MPRIP: variants seen among roughly 807,000 people sequenced by gnomAD.
MPRIP encodes the protein myosin phosphatase Rho-interacting protein.
In MPRIP, 59 loss-of-function variants were observed where a neutral mutation model predicts 234.9. The ratio of observed to expected loss-of-function variants is 0.25; its 90% CI spans 0.20 to 0.31. The LOEUF (loss-of-function observed/expected upper bound fraction) is 0.31. MPRIP is among the 10% of genes least tolerant of loss of function. The pLI, the probability that MPRIP is intolerant of heterozygous loss-of-function variation, is 1.00. For missense variants in MPRIP, 2,436 were observed against 3,071.0 expected, an observed-to-expected ratio of 0.79 and a Z score of 4.89; for synonymous variants, 1,144 against 1,263.9, an observed-to-expected ratio of 0.91 and a Z score of 2.01.
At chr17:17,174,795 T>C (rs2046219377) in intron 19 of MPRIP, among the ~76,000 whole-genome samples, 1 of 135,704 alleles carries the variant, frequency 7.4e-6, no homozygotes, top group Non-Finnish European at 1.5e-5. Context: ...CGAGACTCCG[T>C]CTAAAAAAAA....
intron 1 of MPRIP, among the ~76,000 whole-genome samples, chr17:17,058,679 C>T (rs113222465): frequency 3.3e-5 from 5 of 152,234 alleles, no homozygotes; most frequent in African/African-American, 9.7e-5. Context: ...GAAAGGTTTT[C>T]CTGTCTGCCT....
At chr17:17,119,009 G>T (rs1012937465) in intron 3 of MPRIP, among the ~76,000 whole-genome samples, 1 of 152,168 alleles carries the variant, frequency 6.6e-6, no homozygotes, top group African/African-American at 2.4e-5. Context: ...AGCAAGAAGA[G>T]CCGGGAGACC....
chr17:17,103,861 A>T (rs192645211), intron 3 of MPRIP, among the ~76,000 whole-genome samples: 11 of 152,312 alleles, frequency 7.2e-5, no homozygotes, highest in African/African-American at 2.6e-4. Context: ...TTTTAAGCCG[A>T]AGAACCAAAC....
intron 7 of MPRIP, among the ~76,000 whole-genome samples, chr17:17,139,309 A>T (rs2090766288): frequency 6.6e-6 from 1 of 152,228 alleles, no homozygotes; most frequent in South Asian, 2.1e-4. Flanking sequence ...CCTTGACAGC[A>T]GGGTTCCTCA....
intron 10 of MPRIP, 37 bp downstream of exon 10, chr17:17,146,129 T>C: frequency 1.3e-6 from 2 of 1,594,834 alleles, no homozygotes; most frequent in African/African-American, 1.3e-5. Flanking sequence ...CTGAGGGATC[T>C]GGGGACAGGG....
At chr17:17,127,931 G>A (rs908576471) in intron 4 of MPRIP, among the ~76,000 whole-genome samples, 1 of 152,216 alleles carries the variant, frequency 6.6e-6, no homozygotes, top group Non-Finnish European at 1.5e-5. Context: ...CTCTGCGGGG[G>A]TGTGCTCTCC....
intron 4 of MPRIP, among the ~76,000 whole-genome samples, chr17:17,128,642 TC>T (rs1299384082): frequency 2.0e-5 from 3 of 152,148 alleles, no homozygotes; most frequent in Admixed American, 6.5e-5. Context: ...CTGACGCTCT[TC>T]CCCTTCCCCT....
chr17:17,184,783 C>T (rs370706492), intron 23 of MPRIP, 40 bp from the exon 24 acceptor site: 294 of 1,510,704 alleles, frequency 1.9e-4, no homozygotes, highest in Non-Finnish European at 2.5e-4. Flanking sequence ...GGGGGTCTAA[C>T]GGTGTGTTTA....
At chr17:17,083,577 C>G (rs1303104438) in intron 3 of MPRIP, among the ~76,000 whole-genome samples, 2 of 152,198 alleles carry the variant, frequency 1.3e-5, no homozygotes, top group Admixed American at 6.5e-5. Flanking sequence ...TCTTTAGGAT[C>G]TATCATTTGA....
At chr17:17,125,368 A>G (rs1022200675) in intron 3 of MPRIP, among the ~76,000 whole-genome samples, 5 of 152,236 alleles carry the variant, frequency 3.3e-5, no homozygotes, top group African/African-American at 1.2e-4. Context: ...GGGATGGCTG[A>G]GTCCAGAGAC....
At position 17,042,703 on chromosome 17, in the gene MPRIP, C is replaced by A; in HGVS notation, c.-146C>A. ...AGGAGCCTCGGCGCGTGCAGCGAAC[C>A]GCCCGCCGGGAAGGAGGCCGGGCCG... is the stretch of plus-strand genomic sequence containing the variant. On this transcript the variant is annotated 5_prime_UTR_variant, in exon 1 of 24. Transcript: ENST00000651222. 1 of 897,654 alleles carries A rather than the reference C, an allele frequency of 1.1e-6. No homozygotes were observed. Among genetic ancestry groups the A allele is most frequent in the South Asian group, 5.0e-5 (1 of 19,806 alleles). The allele number at this position is 897,654 out of a possible 1,614,324, so 55.6% of individuals were successfully genotyped here.
intron 9 of MPRIP, among the ~76,000 whole-genome samples, chr17:17,143,884 C>T (rs2045397825): frequency 6.6e-6 from 1 of 152,190 alleles, no homozygotes; most frequent in South Asian, 2.1e-4. Context: ...GGCTCCATGG[C>T]ATCCTGAGCT....
chr17:17,068,412 A>C (rs1420197711), intron 1 of MPRIP, among the ~76,000 whole-genome samples: 1 of 151,664 alleles, frequency 6.6e-6, no homozygotes, highest in Non-Finnish European at 1.5e-5. Context: ...GGCCTCCCAA[A>C]GTGCTGGAAT....
chr17:17,177,523 T>C, intron 22 of MPRIP, 111 bp downstream of exon 22: 2 of 1,198,834 alleles, frequency 1.7e-6, no homozygotes, highest in East Asian at 2.5e-5. Flanking sequence ...GTGATGCTTG[T>C]AGACCCAGGC....
rs567881276 is a variant in MPRIP at position 17,066,569 on chromosome 17, C to G, written c.124-9141C>G. 2.0e-5 allele frequency among the ~76,000 whole-genome samples: 3 copies of G among 151,906 alleles called. No homozygotes were observed. In the South Asian group the frequency reaches 6.2e-4, roughly 32 times the overall value. On this transcript the variant is annotated intron_variant, in intron 1 of 23. Transcript: ENST00000651222. The stretch of plus-strand genomic sequence containing the variant: ...TGTTGATTTTTGCATCTATAGCAGT[C>G]CCCCTTTATTTGCAAGAGATACATT...
chr17:17,075,516 C>T (rs1261170905), intron 1 of MPRIP, among the ~76,000 whole-genome samples, 194 bp from the exon 2 acceptor site: 1 of 152,156 alleles, frequency 6.6e-6, no homozygotes, highest in Non-Finnish European at 1.5e-5. Flanking sequence ...ATGCTCTCCA[C>T]CCCGGATGCT....
chr17:17,073,620 T>C (rs950256442), intron 1 of MPRIP, among the ~76,000 whole-genome samples: 1 of 152,040 alleles, frequency 6.6e-6, no homozygotes, highest in African/African-American at 2.4e-5. Context: ...GAGGCCGAGC[T>C]GGGAGTCACA....
chr17:17,094,914 G>T (rs1437012524), intron 3 of MPRIP, among the ~76,000 whole-genome samples: 4 of 151,826 alleles, frequency 2.6e-5, no homozygotes, highest in Admixed American at 2.6e-4. Context: ...GCCCATCCTG[G>T]TAATTTTTTT....
At chr17:17,170,517 C>G (rs2046110140) in intron 16 of MPRIP, among the ~76,000 whole-genome samples, 2 of 152,252 alleles carry the variant, frequency 1.3e-5, no homozygotes, top group African/African-American at 2.4e-5. Flanking sequence ...GCCTGAGGCT[C>G]TCAGAGTTGG....
Sources: gnomAD v4.1 joint callset for allele counts (sites outside exome capture counted in the v4.1 genomes callset) on GRCh38, gnomAD v4.1.1 for gene constraint, MANE v1.5 for transcripts, NCBI Gene and HGNC (gene_info 2026-07-23, HGNC 2026-07-21) for gene names.